Variants in SDK1 observed in about 807,000 individuals in gnomAD.
SDK1 encodes the protein protein sidekick-1.
In SDK1, 157 loss-of-function variants were observed where a neutral mutation model predicts 245.5. That is an observed-to-expected ratio of 0.64 (90% CI 0.56 to 0.73). The LOEUF (loss-of-function observed/expected upper bound fraction) is 0.73. SDK1 is among the 30% of genes least tolerant of loss of function. The pLI is 0.00. For synonymous variants in SDK1, 1,647 were observed against 1,278.5 expected (o/e 1.29, Z -6.15); for missense variants, 3,583 against 3,002.3 (o/e 1.19, Z -4.52).
rs182102246 is a variant in SDK1 at position 3,488,972 on chromosome 7, T to A, written c.299-130108T>A. ...AGTTTCTCTTAGATCCACAGCTCTT[T>A]CAATGAGTGGAATGGTGTTACATGT... On this transcript the variant is annotated intron_variant, in intron 1 of 44. Transcript: ENST00000404826. Among the ~76,000 whole-genome samples the A allele has an allele frequency of 5.9e-4, 90 of 152,168 alleles. 1 individual carries two copies. The highest frequency in any genetic ancestry group is 2.0e-3 in the African/African-American group (82 of 41,500).
chr7:3,403,179 C>G (rs1448867255), intron 1 of SDK1, among the ~76,000 whole-genome samples: 1 of 152,084 alleles, frequency 6.6e-6, no homozygotes, highest in Non-Finnish European at 1.5e-5. Context: ...GGTGATCTGC[C>G]CGCCTTAGCC....
intron 17 of SDK1, among the ~76,000 whole-genome samples, chr7:4,023,657 T>C (rs1258619675): frequency 6.6e-6 from 1 of 152,234 alleles, no homozygotes; most frequent in Non-Finnish European, 1.5e-5. Context: ...TTTTTCTTAC[T>C]GCCAGTGTTT....
At chr7:3,528,704 G>C (rs1323766652) in intron 1 of SDK1, among the ~76,000 whole-genome samples, 1 of 152,078 alleles carries the variant, frequency 6.6e-6, no homozygotes, top group African/African-American at 2.4e-5. Context: ...TATTTTGAAG[G>C]CGTAATACAC....
intron 1 of SDK1, among the ~76,000 whole-genome samples, chr7:3,554,180 C>T (rs951396832): frequency 6.6e-6 from 1 of 152,166 alleles, no homozygotes; most frequent in Non-Finnish European, 1.5e-5. Flanking sequence ...ATTCGTGGGA[C>T]ATTCACCAAG....
At chr7:4,194,479 C>G (rs1783467630) in intron 35 of SDK1, among the ~76,000 whole-genome samples, 1 of 146,800 alleles carries the variant, frequency 6.8e-6, no homozygotes, top group African/African-American at 2.5e-5. Context: ...TATATATATA[C>G]TCCCATATAT....
chr7:3,937,161 G>T (rs1780190197), intron 5 of SDK1, among the ~76,000 whole-genome samples: 1 of 151,964 alleles, frequency 6.6e-6, no homozygotes. Context: ...CTTACATTTG[G>T]CCATGCGGAG....
At chr7:3,801,553 G>A (rs1271988741) in intron 4 of SDK1, among the ~76,000 whole-genome samples, 1 of 152,132 alleles carries the variant, frequency 6.6e-6, no homozygotes, top group African/African-American at 2.4e-5. Flanking sequence ...AGCCCTAAGG[G>A]TTGAGCAACC....
chr7:3,802,894 C>G (rs1418168980), intron 4 of SDK1, among the ~76,000 whole-genome samples: 1 of 152,086 alleles, frequency 6.6e-6, no homozygotes. Context: ...TGTTTCATCC[C>G]AAGGTTTTGG....
intron 4 of SDK1, among the ~76,000 whole-genome samples, chr7:3,715,722 C>G (rs951289613): frequency 6.6e-6 from 1 of 152,020 alleles, no homozygotes; most frequent in African/African-American, 2.4e-5. Flanking sequence ...AACATAATAT[C>G]GAAAACGTCC....
intron 1 of SDK1, among the ~76,000 whole-genome samples, chr7:3,323,502 G>C (rs193045047): frequency 6.6e-6 from 1 of 152,288 alleles, no homozygotes; most frequent in African/African-American, 2.4e-5. Context: ...TGCTGGTCAT[G>C]TTCAGTTCCT....
intron 44 of SDK1, among the ~76,000 whole-genome samples, chr7:4,250,319 G>T (rs998930694): frequency 6.6e-6 from 1 of 151,768 alleles, no homozygotes; most frequent in Non-Finnish European, 1.5e-5. Flanking sequence ...GTTGTATTTT[G>T]CCCATGTGGT....
At chr7:3,974,629 G>T in intron 13 of SDK1, 84 bp downstream of exon 13, 1 of 1,339,958 alleles carries the variant, frequency 7.5e-7, no homozygotes. Flanking sequence ...CTTCACAAGT[G>T]TCACGCCCGG....
intron 2 of SDK1, among the ~76,000 whole-genome samples, chr7:3,630,459 T>A (rs1209708117): frequency 3.3e-5 from 5 of 152,196 alleles, no homozygotes; most frequent in Non-Finnish European, 7.4e-5. Context: ...CAAACAAATC[T>A]GAAAATTACA....
intron 1 of SDK1, among the ~76,000 whole-genome samples, chr7:3,377,409 G>A (rs1781380925): frequency 6.6e-6 from 1 of 152,178 alleles, no homozygotes; most frequent in African/African-American, 2.4e-5. Context: ...ATGGAGGATG[G>A]ACTGCAGGCT....
intron 44 of SDK1, among the ~76,000 whole-genome samples, chr7:4,250,962 C>A (rs915137913): frequency 2.0e-5 from 3 of 152,164 alleles, no homozygotes; most frequent in Non-Finnish European, 2.9e-5. Flanking sequence ...TCCCTCCAAA[C>A]CCTGGCAGCC....
intron 34 of SDK1, among the ~76,000 whole-genome samples, chr7:4,178,189 T>C (rs1424507638): frequency 6.6e-6 from 1 of 152,140 alleles, no homozygotes; most frequent in East Asian, 1.9e-4. Flanking sequence ...GGCCCAGGGG[T>C]TGGGGACCCC....
intron 13 of SDK1, among the ~76,000 whole-genome samples, chr7:3,982,711 G>A (rs1225204411): frequency 1.3e-5 from 2 of 152,102 alleles, no homozygotes; most frequent in Admixed American, 6.6e-5. Context: ...TTGGTGGCGG[G>A]TGCCTGTAGT....
intron 1 of SDK1, among the ~76,000 whole-genome samples, chr7:3,418,153 A>AAAAAAAAAAAAAAAAAAAAAAAG (rs1779431640): frequency 1.8e-5 from 1 of 55,456 alleles, no homozygotes; most frequent in African/African-American, 3.7e-5. Flanking sequence ...ATGAAAAAAA[A>AAAAAAAAAAAAAAAAAAAAAAAG]AAAAAAAAAA....
At chr7:3,482,973 C>G (rs1781564390) in intron 1 of SDK1, among the ~76,000 whole-genome samples, 1 of 151,420 alleles carries the variant, frequency 6.6e-6, no homozygotes, top group African/African-American at 2.5e-5. Context: ...TAATTCTCTC[C>G]TATTAATTGA....
Sources: gnomAD v4.1 joint callset for allele counts (sites outside exome capture counted in the v4.1 genomes callset) on GRCh38, gnomAD v4.1.1 for gene constraint, MANE v1.5 for transcripts, NCBI Gene and HGNC (gene_info 2026-07-23, HGNC 2026-07-21) for gene names.